The following NXPH1 variants were observed in gnomAD, a reference collection of about 807,000 sequenced individuals.
NXPH1 encodes the protein neurexophilin 1, also known as neurexophilin-1.
In NXPH1, 5 loss-of-function variants were observed where a neutral mutation model predicts 23.7. That is an observed-to-expected ratio of 0.21 (90% CI 0.11 to 0.44). The LOEUF (loss-of-function observed/expected upper bound fraction) is 0.44. Among genes scored for constraint, NXPH1 ranks in the 20% least tolerant of loss-of-function variants. The probability of loss-of-function intolerance (pLI) is 0.99; values close to 1 mark genes in which losing one functional copy is unlikely to be tolerated. For synonymous variants in NXPH1, 144 were observed against 122.2 expected (o/e 1.18, Z -1.18); for missense variants, 324 against 321.6 (o/e 1.01, Z -0.06).
At chr7:8,631,667 A>G (rs918011011) in intron 2 of NXPH1, among the ~76,000 whole-genome samples, 39 of 152,164 alleles carry the variant, frequency 2.6e-4, no homozygotes, top group Non-Finnish European at 4.3e-4. Flanking sequence ...ATGACCACTT[A>G]AAGGATTTTA....
chr7:8,448,707 T>C (rs1457747815), intron 2 of NXPH1, among the ~76,000 whole-genome samples: 3 of 151,280 alleles, frequency 2.0e-5, no homozygotes, highest in African/African-American at 7.3e-5. Context: ...GTCCCAGCTT[T>C]GGGAGGCTGA....
intron 2 of NXPH1, among the ~76,000 whole-genome samples, chr7:8,441,460 C>T (rs1409226532): frequency 6.6e-6 from 1 of 152,004 alleles, no homozygotes; most frequent in African/African-American, 2.4e-5. Flanking sequence ...AGGAATGTGA[C>T]AATAAAGTGG....
At chr7:8,723,417 T>A (rs1266991995) in intron 2 of NXPH1, among the ~76,000 whole-genome samples, 1 of 152,230 alleles carries the variant, frequency 6.6e-6, no homozygotes, top group African/African-American at 2.4e-5. Context: ...ACTATTTTAT[T>A]AAGTTTTGCT....
intron 2 of NXPH1, among the ~76,000 whole-genome samples, chr7:8,689,572 G>T (rs1194359313): frequency 6.6e-6 from 1 of 152,176 alleles, no homozygotes; most frequent in Non-Finnish European, 1.5e-5. Context: ...GTGCCTTCTG[G>T]AACGGAGGCC....
At chr7:8,610,117 G>A (rs1328582586) in intron 2 of NXPH1, among the ~76,000 whole-genome samples, 2 of 152,132 alleles carry the variant, frequency 1.3e-5, no homozygotes, top group Middle Eastern at 6.9e-3. Context: ...CTTTATAATC[G>A]TTTTGAGATA....
At chr7:8,488,830 G>A (rs1259255504) in intron 2 of NXPH1, among the ~76,000 whole-genome samples, 2 of 152,168 alleles carry the variant, frequency 1.3e-5, no homozygotes, top group African/African-American at 2.4e-5. Context: ...GTTTCTGGAA[G>A]ATAGTAAGAG....
intron 2 of NXPH1, among the ~76,000 whole-genome samples, chr7:8,578,593 A>G (rs1818798139): frequency 1.3e-5 from 2 of 152,226 alleles, no homozygotes; most frequent in Non-Finnish European, 1.5e-5. Context: ...ATAGATAAGG[A>G]GTTAACAAAT....
intron 2 of NXPH1, among the ~76,000 whole-genome samples, chr7:8,516,721 T>C (rs1817693271): frequency 6.6e-6 from 1 of 152,126 alleles, no homozygotes; most frequent in South Asian, 2.1e-4. Context: ...CTTTTGAGTT[T>C]AGAACTTTAG....
chr7:8,467,129 T>A (rs80130101), intron 2 of NXPH1, among the ~76,000 whole-genome samples: 3,923 of 152,324 alleles, frequency 0.026, 78 homozygotes, highest in Middle Eastern at 0.044. Context: ...TTGGAAAGTC[T>A]TCCTATTATA....
At chr7:8,533,056 G>A (rs1817973046) in intron 2 of NXPH1, among the ~76,000 whole-genome samples, 1 of 152,074 alleles carries the variant, frequency 6.6e-6, no homozygotes. Flanking sequence ...GGTTGGTACT[G>A]CTATTATACT....
chr7:8,437,871 A>G (rs932654971), intron 2 of NXPH1, among the ~76,000 whole-genome samples: 3 of 152,252 alleles, frequency 2.0e-5, no homozygotes, highest in East Asian at 1.9e-4. Context: ...AATTTTTCCA[A>G]TTTCACTCAA....
At chr7:8,685,961 T>C (rs1821140752) in intron 2 of NXPH1, among the ~76,000 whole-genome samples, 1 of 152,164 alleles carries the variant, frequency 6.6e-6, no homozygotes, top group Non-Finnish European at 1.5e-5. Flanking sequence ...CTTGAGAAGA[T>C]GGATACTCCA....
intron 2 of NXPH1, among the ~76,000 whole-genome samples, chr7:8,584,151 G>A (rs138172085): frequency 2.4e-4 from 37 of 152,064 alleles, no homozygotes; most frequent in African/African-American, 8.9e-4. Flanking sequence ...TTTTATATAC[G>A]ATCAAACTGA....
chr7:8,475,415 G>A (rs950595175), intron 2 of NXPH1, among the ~76,000 whole-genome samples: 1 of 152,086 alleles, frequency 6.6e-6, no homozygotes, highest in Non-Finnish European at 1.5e-5. Context: ...TTTGGTATTA[G>A]GTATGTGAGG....
At chr7:8,440,444 T>C (rs1480743056) in intron 2 of NXPH1, among the ~76,000 whole-genome samples, 6 of 152,206 alleles carry the variant, frequency 3.9e-5, no homozygotes, top group Admixed American at 3.9e-4. Flanking sequence ...AATTCGTGGC[T>C]CCTCTGTGCG....
chr7:8,641,092 T>C (rs1380922302), intron 2 of NXPH1, among the ~76,000 whole-genome samples: 1 of 152,182 alleles, frequency 6.6e-6, no homozygotes, highest in South Asian at 2.1e-4. Context: ...TTCTTGTCTT[T>C]AAAAATATTT....
At chr7:8,687,130 C>T (rs1052115440) in intron 2 of NXPH1, among the ~76,000 whole-genome samples, 2 of 152,206 alleles carry the variant, frequency 1.3e-5, no homozygotes, top group East Asian at 3.9e-4. Context: ...CTACTTACTC[C>T]TTTTGGTAGA....
At chr7:8,544,305 C>G (rs1477746177) in intron 2 of NXPH1, among the ~76,000 whole-genome samples, 1 of 151,532 alleles carries the variant, frequency 6.6e-6, no homozygotes. Context: ...TTAGCAGGAT[C>G]CCTGACCTCT....
At chr7:8,477,268 A>G (rs538169393) in intron 2 of NXPH1, among the ~76,000 whole-genome samples, 14 of 152,250 alleles carry the variant, frequency 9.2e-5, no homozygotes, top group South Asian at 8.3e-4. Context: ...ATATGCTTGT[A>G]TACATTGTGT....
Sources: gnomAD v4.1 joint callset for allele counts (sites outside exome capture counted in the v4.1 genomes callset) on GRCh38, gnomAD v4.1.1 for gene constraint, MANE v1.5 for transcripts, NCBI Gene and HGNC (gene_info 2026-07-23, HGNC 2026-07-21) for gene names.